ROBO2: variants seen among roughly 807,000 people sequenced by gnomAD.
ROBO2 encodes the protein roundabout guidance receptor 2, also known as roundabout homolog 2.
ROBO2 carries 53 observed loss-of-function variants against 160.8 expected under a neutral mutation model. The ratio of observed to expected loss-of-function variants is 0.33; its 90% confidence interval spans 0.26 to 0.41. ROBO2 has a LOEUF of 0.41. Among genes scored for constraint, ROBO2 ranks in the 10% least tolerant of loss-of-function variants. The probability of loss-of-function intolerance (pLI) is 1.00; values close to 1 mark genes in which losing one functional copy is unlikely to be tolerated. For synonymous variants in ROBO2, 664 were observed against 611.7 expected (o/e 1.09, Z -1.26); for missense variants, 1,577 against 1,722.4 (o/e 0.92, Z 1.49).
At chr3:76,581,200 G>A (rs954923719) in intron 2 of ROBO2, among the ~76,000 whole-genome samples, 1 of 152,142 alleles carries the variant, frequency 6.6e-6, no homozygotes, top group Non-Finnish European at 1.5e-5. Context: ...TTTGAGTGCT[G>A]ATTTGTATAG....
At chr3:76,049,403 A>ATATATATATTTTTTTTTTT (rs1414664360) in intron 2 of ROBO2, among the ~76,000 whole-genome samples, 2 of 53,752 alleles carry the variant, frequency 3.7e-5, no homozygotes, top group East Asian at 6.3e-4. Flanking sequence ...ATATATATAT[A>ATATATATATTTTTTTTTTT]TTTTTTTTTT....
chr3:75,971,529 C>A (rs2107361590), intron 2 of ROBO2, among the ~76,000 whole-genome samples: 1 of 151,590 alleles, frequency 6.6e-6, no homozygotes, highest in South Asian at 2.1e-4. Context: ...TTCAATTCAT[C>A]CTACTTTGTC....
chr3:76,402,178 C>CATTTTATTTAATG (rs2077865951), intron 2 of ROBO2, among the ~76,000 whole-genome samples: 1 of 151,438 alleles, frequency 6.6e-6, no homozygotes, highest in African/African-American at 2.4e-5. Context: ...CTAAAATTTT[C>CATTTTATTTAATG]AAGTGGATAT....
intron 6 of ROBO2, among the ~76,000 whole-genome samples, chr3:77,534,249 A>C (rs2091945293): frequency 6.6e-6 from 1 of 152,100 alleles, no homozygotes; most frequent in African/African-American, 2.4e-5. Context: ...CAATTATCTT[A>C]ACCTAAACAG....
intron 2 of ROBO2, among the ~76,000 whole-genome samples, chr3:76,470,885 C>T (rs1313425658): frequency 2.6e-5 from 4 of 152,068 alleles, no homozygotes; most frequent in Admixed American, 2.6e-4. Flanking sequence ...CCTATTCCAA[C>T]CCCATTTATT....
At chr3:76,852,318 G>T (rs2069492277) in intron 2 of ROBO2, among the ~76,000 whole-genome samples, 2 of 152,216 alleles carry the variant, frequency 1.3e-5, no homozygotes, top group Middle Eastern at 3.4e-3. Flanking sequence ...TTAATTAAAG[G>T]GAGAGTATAT....
exon 24 of ROBO2, chr3:77,634,913 A>G (rs758778588): frequency 3.7e-6 from 6 of 1,613,890 alleles, no homozygotes; most frequent in Non-Finnish European, 5.1e-6. Context: ...CTACCAGCCC[A>G]TTTTCTACTG....
chr3:77,472,314 G>A (rs2083441826), intron 2 of ROBO2, among the ~76,000 whole-genome samples: 1 of 152,138 alleles, frequency 6.6e-6, no homozygotes, highest in South Asian at 2.1e-4. Flanking sequence ...TCTATCACAG[G>A]CACTGTCATG....
At chr3:76,711,345 C>A (rs913764468) in intron 2 of ROBO2, among the ~76,000 whole-genome samples, 3 of 152,118 alleles carry the variant, frequency 2.0e-5, no homozygotes, top group African/African-American at 7.2e-5. Context: ...GGGAAATCTG[C>A]CCCCATGAAC....
chr3:77,358,763 T>C (rs900898370), intron 2 of ROBO2, among the ~76,000 whole-genome samples: 3 of 152,196 alleles, frequency 2.0e-5, no homozygotes, highest in Admixed American at 2.0e-4. Context: ...TTTTTAAATA[T>C]CACCCCAATA....
chr3:77,079,092 G>A (rs2068338415), intron 1 of ROBO2, among the ~76,000 whole-genome samples: 1 of 151,924 alleles, frequency 6.6e-6, no homozygotes, highest in South Asian at 2.1e-4. Flanking sequence ...GATTACAGGT[G>A]CACACCACCA....
chr3:77,476,371 T>G (rs887806001), intron 2 of ROBO2, among the ~76,000 whole-genome samples: 9 of 26,656 alleles, frequency 3.4e-4, no homozygotes, highest in African/African-American at 1.2e-3. Flanking sequence ...TGTGGGTATG[T>G]GTGTGTGTGT....
chr3:76,185,964 C>T lies in ROBO2; in HGVS notation c.109+248362C>T, dbSNP rs1701743666. ...TTTTTTTTTTTTTGAGACAGGGTCT[C>T]ACTCTGTTGCCCAGGCTGGAGTGCA... On this transcript the variant is annotated intron_variant, in intron 2 of 26. Transcript: ENST00000487694. Among the ~76,000 whole-genome samples the T allele has an allele frequency of 3.5e-5, 5 of 141,248 alleles. No homozygotes were observed. In the South Asian group the frequency reaches 1.1e-3, roughly 31 times the overall value. The allele number at this position is 141,248 out of a possible 152,430, so 92.7% of individuals were successfully genotyped here.
intron 2 of ROBO2, among the ~76,000 whole-genome samples, chr3:76,241,887 TG>T: frequency 6.6e-6 from 1 of 152,286 alleles, no homozygotes; most frequent in East Asian, 1.9e-4. Context: ...ATTTTCATGA[TG>T]GAATTGTGAA....
At chr3:76,128,250 TAC>T (rs1176627433) in intron 2 of ROBO2, among the ~76,000 whole-genome samples, 1 of 152,110 alleles carries the variant, frequency 6.6e-6, no homozygotes, top group Non-Finnish European at 1.5e-5. Context: ...GAGCACCATT[TAC>T]ACACAGTTAT....
chr3:76,178,529 C>G (rs1053968922), intron 2 of ROBO2, among the ~76,000 whole-genome samples: 7 of 152,126 alleles, frequency 4.6e-5, no homozygotes, highest in Non-Finnish European at 1.0e-4. Context: ...AATTATTTTT[C>G]TCACAATACT....
chr3:76,806,322 C>T (rs2064709951), intron 2 of ROBO2, among the ~76,000 whole-genome samples: 1 of 151,560 alleles, frequency 6.6e-6, no homozygotes, highest in South Asian at 2.1e-4. Context: ...CTCTTGCACA[C>T]CCAGGGGAAC....
intron 2 of ROBO2, among the ~76,000 whole-genome samples, chr3:77,400,278 T>C (rs200145090): frequency 2.0e-5 from 3 of 152,200 alleles, no homozygotes; most frequent in African/African-American, 7.2e-5. Flanking sequence ...TGGTGAATTC[T>C]AATCAGACAA....
chr3:76,220,826 C>G (rs1703917673), intron 2 of ROBO2, among the ~76,000 whole-genome samples: 1 of 152,150 alleles, frequency 6.6e-6, no homozygotes, highest in South Asian at 2.1e-4. Context: ...AGTTCTATAA[C>G]TAGTCACATG....
Sources: gnomAD v4.1 joint callset for allele counts (sites outside exome capture counted in the v4.1 genomes callset) on GRCh38, gnomAD v4.1.1 for gene constraint, MANE v1.5 for transcripts, NCBI Gene and HGNC (gene_info 2026-07-23, HGNC 2026-07-21) for gene names.